The following EPHB1 variants were observed in gnomAD, a reference collection of about 807,000 sequenced individuals.
EPHB1 encodes the protein EPH receptor B1.
A neutral mutation model predicts 94.4 loss-of-function variants in EPHB1; 30 were observed. The ratio of observed to expected loss-of-function variants is 0.32; its 90% CI spans 0.24 to 0.43. The LOEUF (loss-of-function observed/expected upper bound fraction) is 0.43. Ranked by LOEUF, EPHB1 falls within the 20% of genes least tolerant of loss-of-function variation. The probability of loss-of-function intolerance (pLI) is 1.00; values close to 1 mark genes in which losing one functional copy is unlikely to be tolerated. For missense variants in EPHB1, 1,055 were observed against 1,308.3 expected (o/e 0.81, Z 2.99); for synonymous variants, 522 against 489.1 (o/e 1.07, Z -0.89).
intron 3 of EPHB1, among the ~76,000 whole-genome samples, chr3:134,955,157 G>T (rs1578227878): frequency 4.0e-5 from 1 of 24,950 alleles, no homozygotes; most frequent in East Asian, 5.0e-4. Flanking sequence ...TGCACATTGT[G>T]CAGGTTAGTT....
intron 3 of EPHB1, among the ~76,000 whole-genome samples, chr3:135,002,907 C>A (rs1935237144): frequency 1.3e-5 from 2 of 151,940 alleles, no homozygotes; most frequent in African/African-American, 4.8e-5. Flanking sequence ...TTCAAAAAAC[C>A]AGCTCCTGGA....
chr3:134,884,020 G>C (rs1031768554), intron 1 of EPHB1, among the ~76,000 whole-genome samples: 1 of 152,226 alleles, frequency 6.6e-6, no homozygotes, highest in Admixed American at 6.5e-5. Context: ...GCCACACCAA[G>C]GTGGCAAGCG....
chr3:134,949,098 G>A (rs908345066), intron 2 of EPHB1, among the ~76,000 whole-genome samples: 1 of 152,138 alleles, frequency 6.6e-6, no homozygotes, highest in African/African-American at 2.4e-5. Flanking sequence ...GCTCCAACTT[G>A]AAAGGTGGAG....
At chr3:134,928,728 A>T (rs1433041832) in intron 2 of EPHB1, among the ~76,000 whole-genome samples, 2 of 152,184 alleles carry the variant, frequency 1.3e-5, no homozygotes, top group African/African-American at 4.8e-5. Flanking sequence ...AGCCTGGGGC[A>T]TGGCTGCAGT....
intron 3 of EPHB1, among the ~76,000 whole-genome samples, chr3:135,056,328 G>T (rs1576350730): frequency 1.3e-5 from 2 of 152,316 alleles, no homozygotes. Flanking sequence ...TCTCCGTCAG[G>T]CTGCGTCATC....
At chr3:135,235,069 C>T (rs1160291227) in intron 12 of EPHB1, among the ~76,000 whole-genome samples, 2 of 152,168 alleles carry the variant, frequency 1.3e-5, no homozygotes, top group African/African-American at 4.8e-5. Flanking sequence ...ATTGGAGTCA[C>T]CTGGGGAAAG....
At chr3:135,133,511 C>A (rs1024693790) in intron 5 of EPHB1, among the ~76,000 whole-genome samples, 2 of 152,124 alleles carry the variant, frequency 1.3e-5, no homozygotes, top group Admixed American at 6.5e-5. Flanking sequence ...GAGAACAGGA[C>A]GACAAATGAT....
chr3:135,037,821 G>C (rs1350701520), intron 3 of EPHB1, among the ~76,000 whole-genome samples: 3 of 152,166 alleles, frequency 2.0e-5, no homozygotes, highest in African/African-American at 7.2e-5. Flanking sequence ...TATGTTCTTT[G>C]AGTGGTGAAT....
chr3:135,018,926 G>A (rs555712572), intron 3 of EPHB1, among the ~76,000 whole-genome samples: 1 of 152,264 alleles, frequency 6.6e-6, no homozygotes, highest in Admixed American at 6.5e-5. Context: ...CAGCTGATAG[G>A]GACTGAGAGA....
At chr3:135,253,825 T>C (rs1933240504) in intron 15 of EPHB1, among the ~76,000 whole-genome samples, 1 of 152,188 alleles carries the variant, frequency 6.6e-6, no homozygotes, top group Non-Finnish European at 1.5e-5. Context: ...TTTCACAATA[T>C]TGATTCTTCC....
At chr3:134,941,258 C>A (rs540985202) in intron 2 of EPHB1, among the ~76,000 whole-genome samples, 11 of 151,320 alleles carry the variant, frequency 7.3e-5, no homozygotes, top group African/African-American at 2.7e-4. Context: ...AAATCTCTCA[C>A]CTTCATTTTA....
At position 135,045,024 on chromosome 3, in the gene EPHB1, A is replaced by G. The variant is rs141959486; in HGVS notation, c.806-61424A>G. On this transcript the variant is annotated intron_variant, in intron 3 of 15. Transcript: ENST00000398015. ...CCGAGTAATTTAATGCTGCTGTAGCATAGTGGTGGTCAAAATGTGCCCACA... is the reference window on the plus strand; with the variant it reads ...CCGAGTAATTTAATGCTGCTGTAGCGTAGTGGTGGTCAAAATGTGCCCACA... 3.9e-3 allele frequency among the ~76,000 whole-genome samples: 594 copies of G among 152,342 alleles called. 2 individuals carry two copies. The highest frequency in any genetic ancestry group is 6.8e-3 in the Middle Eastern group (2 of 294).
In EPHB1 at chr3:135,045,357, A is replaced by G. The variant is rs566897161; in HGVS notation, c.806-61091A>G. 4.4e-4 allele frequency among the ~76,000 whole-genome samples: 67 copies of G among 152,358 alleles called. No homozygotes were observed. In the Middle Eastern group the frequency reaches 0.01, roughly 23 times the overall value. On this transcript the variant is annotated intron_variant, in intron 3 of 15. Coordinates refer to ENST00000398015, the MANE Select transcript of EPHB1 (RefSeq NM_004441.5). ...AAGGTTAGTGTTTGATTAAGTCTTT[A>G]TCCTTGAATCCTTTTGACATTCTGT...
chr3:135,128,510 A>T (rs1054942795), intron 4 of EPHB1, among the ~76,000 whole-genome samples: 4 of 152,232 alleles, frequency 2.6e-5, no homozygotes, highest in Admixed American at 2.6e-4. Flanking sequence ...GGCCATCATC[A>T]TTTTAACCAC....
chr3:135,061,124 C>T (rs1191281405), intron 3 of EPHB1, among the ~76,000 whole-genome samples: 3 of 152,010 alleles, frequency 2.0e-5, no homozygotes, highest in African/African-American at 4.8e-5. Context: ...ATGATTGGAT[C>T]TCATTTAAAA....
At chr3:135,182,495 A>C (rs1201410202) in intron 10 of EPHB1, among the ~76,000 whole-genome samples, 1 of 152,174 alleles carries the variant, frequency 6.6e-6, no homozygotes, top group East Asian at 1.9e-4. Flanking sequence ...ACAGACTCAG[A>C]GGTCTGACAG....
intron 1 of EPHB1, among the ~76,000 whole-genome samples, chr3:134,877,970 C>T (rs1380542901): frequency 6.6e-6 from 1 of 152,344 alleles, no homozygotes; most frequent in Non-Finnish European, 1.5e-5. Flanking sequence ...GAATCCCACA[C>T]AGTCCCTGGG....
intron 1 of EPHB1, among the ~76,000 whole-genome samples, chr3:134,902,849 G>A (rs1374450351): frequency 6.6e-6 from 1 of 152,180 alleles, no homozygotes; most frequent in African/African-American, 2.4e-5. Flanking sequence ...AGAGTGGTTC[G>A]ACTTGAGTAT....
chr3:134,848,086 T>G (rs945928033), intron 1 of EPHB1, among the ~76,000 whole-genome samples: 1 of 152,206 alleles, frequency 6.6e-6, no homozygotes, highest in African/African-American at 2.4e-5. Context: ...TAGCCCACAT[T>G]CATAGTGGAG....
Sources: gnomAD v4.1 joint callset for allele counts (sites outside exome capture counted in the v4.1 genomes callset) on GRCh38, gnomAD v4.1.1 for gene constraint, MANE v1.5 for transcripts, NCBI Gene and HGNC (gene_info 2026-07-23, HGNC 2026-07-21) for gene names.